The following GAD2 variants were observed in gnomAD, a reference collection of about 807,000 sequenced individuals.
GAD2 encodes 65 kDa glutamic acid decarboxylase.
Under a neutral mutation model 80.1 loss-of-function variants are expected in GAD2, and 22 were observed. That is an observed-to-expected ratio of 0.27 (90% confidence interval 0.20 to 0.39). The LOEUF is 0.39. Among genes scored for constraint, GAD2 ranks in the 10% least tolerant of loss-of-function variants. The probability of loss-of-function intolerance (pLI) is 1.00; values close to 1 mark genes in which losing one functional copy is unlikely to be tolerated. For synonymous variants in GAD2, 274 were observed against 256.9 expected (o/e 1.07, Z -0.64); for missense variants, 624 against 738.4 (o/e 0.85, Z 1.80).
At chr10:26,280,024 C>A (rs1163229772) in intron 11 of GAD2, among the ~76,000 whole-genome samples, 2 of 152,242 alleles carry the variant, frequency 1.3e-5, no homozygotes, top group Non-Finnish European at 2.9e-5. Context: ...CATAGAGGCA[C>A]AGGAGGCAGC....
chr10:26,292,732 C>T (rs566070492), intron 14 of GAD2, among the ~76,000 whole-genome samples, 160 bp downstream of exon 14: 6 of 152,324 alleles, frequency 3.9e-5, no homozygotes, highest in African/African-American at 1.4e-4. Context: ...AGACGAAACT[C>T]TCAAAGTGGT....
intron 13 of GAD2, among the ~76,000 whole-genome samples, chr10:26,288,399 A>C (rs1834172617): frequency 6.6e-6 from 1 of 152,180 alleles, no homozygotes; most frequent in African/African-American, 2.4e-5. Context: ...TTGCCTGGTA[A>C]TGGTGGGGTG....
At chr10:26,260,741 A>C (rs1461847572) in intron 8 of GAD2, among the ~76,000 whole-genome samples, 1 of 152,166 alleles carries the variant, frequency 6.6e-6, no homozygotes, top group Non-Finnish European at 1.5e-5. Context: ...GCCAGTTTAC[A>C]CTTCCCCAGT....
At chr10:26,298,456 C>A (rs1041322991) in intron 15 of GAD2, among the ~76,000 whole-genome samples, 5 of 152,180 alleles carry the variant, frequency 3.3e-5, no homozygotes, top group Non-Finnish European at 7.4e-5. Context: ...CAGCTTGCTT[C>A]GGGAACTGAG....
chr10:26,295,111 A>T (rs1589155400), intron 15 of GAD2, among the ~76,000 whole-genome samples: 1 of 152,312 alleles, frequency 6.6e-6, no homozygotes, highest in Admixed American at 6.5e-5. Flanking sequence ...TCTGAACAAA[A>T]GTCAACTTGG....
rs982166987 is a variant in GAD2 at position 26,253,711 on chromosome 10, G to A, written c.920+7711G>A. 1.2e-4 allele frequency among the ~76,000 whole-genome samples: 18 copies of A among 152,326 alleles called. No homozygotes were observed. The East Asian group carries it at 2.1e-3, about 18-fold the overall frequency. ...CATGGTGGATGTAGTCCAGTCTAGCGTGAGATGAGCACAGGAAGGGAAGCA... is the reference window on the plus strand; with the variant it reads ...CATGGTGGATGTAGTCCAGTCTAGCATGAGATGAGCACAGGAAGGGAAGCA... On this transcript the variant is annotated intron_variant, in intron 8 of 15. Coordinates refer to ENST00000376261, the MANE Select transcript of GAD2 (RefSeq NM_001134366.2).
At chr10:26,296,619 G>A (rs997157992) in intron 15 of GAD2, among the ~76,000 whole-genome samples, 3 of 152,184 alleles carry the variant, frequency 2.0e-5, no homozygotes, top group African/African-American at 4.8e-5. Context: ...ACAGGGAGGG[G>A]CAGCAAGTGG....
Position 26,217,776 on chromosome 10 carries a change from G to A in GAD2, c.137-66G>A. 1.3e-6 allele frequency: 2 copies of A among 1,580,126 alleles called. No individual in the cohort carries two copies. The highest frequency in any genetic ancestry group is 1.7e-6 in the Non-Finnish European group (2 of 1,162,036). On this transcript the variant is annotated intron_variant, in intron 2 of 15. Coordinates refer to ENST00000376261, the MANE Select transcript of GAD2 (RefSeq NM_001134366.2). This position sits in a 1 kb window ranked among gnomAD's most constrained non-coding sequence, Gnocchi z 4.9. The stretch of plus-strand genomic sequence containing the variant: ...AGTCGGGGTTTCCTGGCTGCGGGTA[G>A]GCGGGAGCGAGGGAGCCGGGCCCGG...
intron 4 of GAD2, among the ~76,000 whole-genome samples, chr10:26,220,400 GCT>G (rs1466102394): frequency 2.0e-5 from 3 of 152,142 alleles, no homozygotes; most frequent in Non-Finnish European, 4.4e-5. Context: ...TAAAATGTTT[GCT>G]GTGAGAAGTT....
At chr10:26,271,085 C>T (rs1845131888) in intron 10 of GAD2, among the ~76,000 whole-genome samples, 1 of 152,194 alleles carries the variant, frequency 6.6e-6, no homozygotes, top group Admixed American at 6.5e-5. Context: ...GCACACAGTC[C>T]TGCTGTTCCT....
intron 7 of GAD2, among the ~76,000 whole-genome samples, chr10:26,238,492 A>T (rs1243344603): frequency 6.6e-6 from 1 of 152,198 alleles, no homozygotes; most frequent in Admixed American, 6.5e-5. Flanking sequence ...TCATTCTTGG[A>T]TCTCTTTTCA....
At position 26,292,932 on chromosome 10, in the gene GAD2, A is replaced by T; in HGVS notation, c.1525A>T (p.Ile509Phe). ...GCACACAAATGTCTGCTTCTGGTACATTCCTCCAAGCTTGCGTACTCTGGA... is the reference window on the plus strand; with the variant it reads ...GCACACAAATGTCTGCTTCTGGTACTTTCCTCCAAGCTTGCGTACTCTGGA... ...PQHTNVCFWY[I>F]PPSLRTLEDN... The change falls in exon 15 of 16, where the codon ATT becomes TTT. Residue 509 changes from isoleucine to phenylalanine, a missense_variant. Coordinates refer to ENST00000376261, the MANE Select transcript of GAD2 (RefSeq NM_001134366.2). 4 of 1,614,012 alleles carry T rather than the reference A, an allele frequency of 2.5e-6. No individual in the cohort carries two copies. The highest frequency in any genetic ancestry group is 3.4e-6 in the Non-Finnish European group (4 of 1,179,942).
intron 6 of GAD2, among the ~76,000 whole-genome samples, chr10:26,227,011 G>T (rs1844535438): frequency 6.6e-6 from 1 of 151,526 alleles, no homozygotes; most frequent in Admixed American, 6.6e-5. Flanking sequence ...TTATTTTTTT[G>T]AGACAGAGTC....
chr10:26,257,183 C>T (rs2132296062), intron 8 of GAD2, among the ~76,000 whole-genome samples: 1 of 152,114 alleles, frequency 6.6e-6, no homozygotes, highest in South Asian at 2.1e-4. Flanking sequence ...TCAAGACCAG[C>T]CTAACCAACG....
At chr10:26,261,392 T>A (rs1173985699) in intron 8 of GAD2, among the ~76,000 whole-genome samples, 7 of 152,198 alleles carry the variant, frequency 4.6e-5, no homozygotes, top group Admixed American at 4.6e-4. Context: ...CCTTCTTTCC[T>A]TGTAAAATGC....
intron 15 of GAD2, among the ~76,000 whole-genome samples, chr10:26,298,234 A>G (rs188142686): frequency 2.0e-5 from 3 of 152,286 alleles, no homozygotes; most frequent in Admixed American, 2.0e-4. Flanking sequence ...TGAACCCTGG[A>G]CCCATCTTAG....
Position 26,217,604 on chromosome 10 carries a change from T to C in GAD2, c.77-6T>C, listed in dbSNP as rs770991415. The C allele has an allele frequency of 3.1e-6, 5 of 1,611,782 alleles. No homozygotes were observed. Among genetic ancestry groups the C allele is most frequent in the Non-Finnish European group, 3.4e-6 (4 of 1,179,104 alleles). Reference sequence around the variant, plus strand: ...TCGCTGTCTGCCTGCCTATTCTTCCTTGCAGCGCGAGCCTGGTGCCAAGTG... The same window carrying C: ...TCGCTGTCTGCCTGCCTATTCTTCCCTGCAGCGCGAGCCTGGTGCCAAGTG... On this transcript the variant is annotated splice_polypyrimidine_tract_variant and splice_region_variant and intron_variant, in intron 1 of 15. Coordinates refer to ENST00000376261, the MANE Select transcript of GAD2 (RefSeq NM_001134366.2). This position sits in a 1 kb window ranked among gnomAD's most constrained non-coding sequence, Gnocchi z 4.9.
In GAD2 at chr10:26,241,330, C is replaced by A. The variant is rs148258600; in HGVS notation, c.841-4591C>A. On this transcript the variant is annotated intron_variant, in intron 7 of 15. Transcript: ENST00000376261. ...GATTATTTTGGGACAAATTTGAATT[C>A]TTGTAGCTTCCAATTTTTGTTCAGA... Among the ~76,000 whole-genome samples the A allele has an allele frequency of 2.1e-3, 324 of 152,226 alleles. 3 individuals are homozygous for A. The highest frequency in any genetic ancestry group is 7.6e-3 in the African/African-American group (316 of 41,532).
intron 8 of GAD2, among the ~76,000 whole-genome samples, chr10:26,258,371 T>G (rs1844969676): frequency 6.6e-6 from 1 of 152,206 alleles, no homozygotes; most frequent in Admixed American, 6.5e-5. Context: ...TTTTTTATTG[T>G]GATAAAATAC....
Sources: allele counts gnomAD v4.1 joint callset (sites outside exome capture counted in the v4.1 genomes callset), GRCh38; gene constraint gnomAD v4.1.1; non-coding constraint Gnocchi (gnomAD v3.1); transcripts MANE v1.5; gene names NCBI Gene and HGNC (gene_info 2026-07-23, HGNC 2026-07-21).